Variants in LDLRAD4 observed in about 807,000 individuals in gnomAD.
The protein encoded by LDLRAD4 is low density lipoprotein receptor class A domain containing 4.
A neutral mutation model predicts 17.0 loss-of-function variants in LDLRAD4; 5 were observed. The ratio of observed to expected loss-of-function variants is 0.29; its 90% CI spans 0.15 to 0.62. The LOEUF (loss-of-function observed/expected upper bound fraction) is 0.62. Among genes scored for constraint, LDLRAD4 ranks in the 20% least tolerant of loss-of-function variants. LDLRAD4 has a pLI of 0.84. For missense variants in LDLRAD4, 340 were observed against 424.7 expected (o/e 0.80, Z 1.75); for synonymous variants, 168 against 171.8 (o/e 0.98, Z 0.17).
chr18:13,502,877 G>A (rs2093634339), intron 3 of LDLRAD4, among the ~76,000 whole-genome samples: 1 of 152,268 alleles, frequency 6.6e-6, no homozygotes, highest in East Asian at 1.9e-4. Context: ...GCAGCCACAG[G>A]CTGGGATCCC....
At chr18:13,225,171 A>G (rs1439769459) in intron 1 of LDLRAD4, among the ~76,000 whole-genome samples, 2 of 152,236 alleles carry the variant, frequency 1.3e-5, no homozygotes, top group African/African-American at 4.8e-5. Flanking sequence ...GTATAGGTAA[A>G]TGAATCATGC....
chr18:13,318,647 G>GT (rs2081057465), intron 1 of LDLRAD4, among the ~76,000 whole-genome samples: 1 of 152,204 alleles, frequency 6.6e-6, no homozygotes, highest in Admixed American at 6.5e-5. Context: ...GATGACAAAT[G>GT]GAAAGCTTGA....
chr18:13,243,397 C>T (rs1217445645), intron 1 of LDLRAD4, among the ~76,000 whole-genome samples: 1 of 152,126 alleles, frequency 6.6e-6, no homozygotes, highest in African/African-American at 2.4e-5. Context: ...TCAGCATCCA[C>T]CCATCCACCC....
chr18:13,645,582 G>C lies in LDLRAD4; in HGVS notation c.846G>C (p.Gln282His). The C allele has an allele frequency of 6.3e-7, 1 of 1,597,664 alleles. No individual in the cohort carries two copies. The highest frequency in any genetic ancestry group is 1.7e-4 in the Middle Eastern group (1 of 5,946). The change falls in exon 6 of 6, where the codon CAG becomes CAC. Residue 282 changes from glutamine (Q) to histidine (H), a missense_variant. Transcript: ENST00000359446. This position sits in a 1 kb window ranked among gnomAD's most constrained non-coding sequence, Gnocchi z 5.7. ...ACGCACACAGGGGCAGCAGACTGCA[G>C]TTTCAGCAGAACAATGCAGAGAGCA...
chr18:13,571,417 C>T (rs1423002945), intron 3 of LDLRAD4, among the ~76,000 whole-genome samples: 2 of 152,136 alleles, frequency 1.3e-5, no homozygotes, highest in East Asian at 1.9e-4. Flanking sequence ...CCGTCCACAG[C>T]CCCTGGATAT....
At chr18:13,456,221 C>T (rs963963728) in intron 3 of LDLRAD4, among the ~76,000 whole-genome samples, 14 of 152,284 alleles carry the variant, frequency 9.2e-5, no homozygotes, top group African/African-American at 3.1e-4. Context: ...TGGTGGGGAA[C>T]GAGGAGCATG....
At chr18:13,416,037 C>T (rs1163082498) in intron 2 of LDLRAD4, among the ~76,000 whole-genome samples, 3 of 152,206 alleles carry the variant, frequency 2.0e-5, no homozygotes, top group Non-Finnish European at 2.9e-5. Context: ...CCCTGCAGGG[C>T]GCAGGGCTGA....
intron 4 of LDLRAD4, among the ~76,000 whole-genome samples, chr18:13,628,475 C>A (rs1001370694): frequency 1.3e-5 from 2 of 152,218 alleles, no homozygotes; most frequent in Non-Finnish European, 2.9e-5. Context: ...TAGGGTCCGG[C>A]GGGTTGGCCG....
At chr18:13,640,674 C>T (rs1235034288) in intron 4 of LDLRAD4, among the ~76,000 whole-genome samples, 2 of 152,198 alleles carry the variant, frequency 1.3e-5, no homozygotes, top group Non-Finnish European at 2.9e-5. Flanking sequence ...TGGCTTGGCC[C>T]GGGCAGCAAG....
At chr18:13,616,071 T>C (rs2040035613) in intron 3 of LDLRAD4, 1 of 152,184 alleles carries the variant, frequency 6.6e-6, no homozygotes, top group Non-Finnish European at 1.5e-5. Context: ...GCCTCCCCTT[T>C]CCAGCCCACT....
At chr18:13,346,501 G>C (rs2082696861) in intron 1 of LDLRAD4, among the ~76,000 whole-genome samples, 1 of 152,180 alleles carries the variant, frequency 6.6e-6, no homozygotes, top group Non-Finnish European at 1.5e-5. Flanking sequence ...TTCCAACTAT[G>C]TGGTCAATTT....
intron 4 of LDLRAD4, among the ~76,000 whole-genome samples, chr18:13,624,717 G>A (rs1027976593): frequency 3.3e-5 from 5 of 152,212 alleles, no homozygotes; most frequent in African/African-American, 7.2e-5. Flanking sequence ...GTGACCACCT[G>A]TGTCAGGAAG....
At chr18:13,585,000 T>C (rs1398733328) in intron 3 of LDLRAD4, among the ~76,000 whole-genome samples, 2 of 152,230 alleles carry the variant, frequency 1.3e-5, no homozygotes, top group Non-Finnish European at 2.9e-5. Flanking sequence ...GGACAGAGCT[T>C]ATCTTACACG....
chr18:13,587,824 T>A (rs572758762), intron 3 of LDLRAD4, among the ~76,000 whole-genome samples: 6 of 152,336 alleles, frequency 3.9e-5, no homozygotes, highest in African/African-American at 1.4e-4. Flanking sequence ...TCCTTAGCTT[T>A]AGAATGTCTA....
chr18:13,532,413 G>A (rs1338501758), intron 3 of LDLRAD4, among the ~76,000 whole-genome samples: 1 of 152,198 alleles, frequency 6.6e-6, no homozygotes. Flanking sequence ...ACTAGGATTT[G>A]GTGATCTGAG....
At chr18:13,467,925 T>A (rs1232354166) in intron 3 of LDLRAD4, among the ~76,000 whole-genome samples, 1 of 152,204 alleles carries the variant, frequency 6.6e-6, no homozygotes, top group Non-Finnish European at 1.5e-5. Context: ...CTGGGGCAAC[T>A]GGGTTCCTGC....
rs1352244160 is a variant in LDLRAD4 at position 13,622,834 on chromosome 18, C to T, written c.336+1563C>T. On this transcript the variant is annotated intron_variant, in intron 4 of 5. Coordinates refer to ENST00000359446, the Ensembl canonical transcript of LDLRAD4. The surrounding 1 kb of genome is among the most constrained non-coding windows in gnomAD (Gnocchi z 5.3). ...TGTATTACGGGCTGTGAACGCCACC[C>T]CTGGACTTGGTGGAAACAAGCACAG... 6.6e-6 allele frequency among the ~76,000 whole-genome samples: 1 copy of T among 152,168 alleles called. No homozygotes were observed. The highest frequency in any genetic ancestry group is 2.4e-5 in the African/African-American group (1 of 41,436).
chr18:13,223,739 C>G (rs1339966379), intron 1 of LDLRAD4, among the ~76,000 whole-genome samples: 6 of 152,204 alleles, frequency 3.9e-5, no homozygotes, highest in Non-Finnish European at 7.3e-5. Context: ...GTGCCAGGCT[C>G]TGTTCTGAGG....
chr18:13,248,252 C>T (rs567263837), intron 1 of LDLRAD4, among the ~76,000 whole-genome samples: 73 of 152,260 alleles, frequency 4.8e-4, no homozygotes, highest in Non-Finnish European at 2.8e-4. Context: ...CGAGCCACCG[C>T]GCCCGGCCAT....
Sources: allele counts gnomAD v4.1 joint callset (sites outside exome capture counted in the v4.1 genomes callset), GRCh38; gene constraint gnomAD v4.1.1; non-coding constraint Gnocchi (gnomAD v3.1); transcripts MANE v1.5; gene names NCBI Gene and HGNC (gene_info 2026-07-23, HGNC 2026-07-21).